Variants in MARCHF1 observed in about 807,000 individuals in gnomAD.
The protein encoded by MARCHF1 is membrane associated ring-CH-type finger 1.
MARCHF1 carries 40 observed loss-of-function variants against 54.2 expected under a neutral mutation model. The observed-to-expected ratio is 0.74, with a 90% CI of 0.57 to 0.96. MARCHF1 has a LOEUF of 0.96. Among genes scored for constraint, MARCHF1 ranks in the 40% least tolerant of loss-of-function variants. The pLI, the probability that MARCHF1 is intolerant of heterozygous loss-of-function variation, is 0.00. For synonymous variants in MARCHF1, 236 were observed against 236.3 expected, an observed-to-expected ratio of 1.00 and a Z score of 0.01; for missense variants, 586 against 656.5, an observed-to-expected ratio of 0.89 and a Z score of 1.17.
chr4:164,190,048 T>C (rs1211611561), intron 1 of MARCHF1: 11 of 1,359,706 alleles, frequency 8.1e-6, no homozygotes, highest in African/African-American at 1.4e-5. Flanking sequence ...AAGGAGTGCA[T>C]TGATACTACA....
At chr4:164,111,544 G>A (rs541330342) in intron 2 of MARCHF1, 44 bp downstream of exon 2, 53 of 151,824 alleles carry the variant, frequency 3.5e-4, no homozygotes, top group African/African-American at 1.3e-3. Context: ...GCCATGGAAA[G>A]TCTTCTTTAT....
At chr4:163,993,717 A>T (rs2110898838) in intron 2 of MARCHF1, among the ~76,000 whole-genome samples, 1 of 152,258 alleles carries the variant, frequency 6.6e-6, no homozygotes, top group East Asian at 1.9e-4. Flanking sequence ...TTCAAATAAC[A>T]CTATGGGACT....
intron 8 of MARCHF1, among the ~76,000 whole-genome samples, chr4:163,552,254 G>C (rs1177774927): frequency 6.6e-6 from 1 of 152,182 alleles, no homozygotes; most frequent in Non-Finnish European, 1.5e-5. Flanking sequence ...GCAATCCAAA[G>C]GAACTGCAAG....
At chr4:164,062,899 G>A (rs1217083828) in intron 2 of MARCHF1, among the ~76,000 whole-genome samples, 3 of 152,268 alleles carry the variant, frequency 2.0e-5, no homozygotes, top group East Asian at 1.9e-4. Context: ...TGGATGTTAT[G>A]TTAGCAGCCA....
At chr4:164,351,272 G>C (rs1332041910) in intron 1 of MARCHF1, among the ~76,000 whole-genome samples, 1 of 150,232 alleles carries the variant, frequency 6.7e-6, no homozygotes, top group Non-Finnish European at 1.5e-5. Flanking sequence ...AGCTCAAGGA[G>C]GCCTGCCTGC....
At chr4:164,232,268 T>C (rs1462559006) in intron 1 of MARCHF1, among the ~76,000 whole-genome samples, 1 of 152,106 alleles carries the variant, frequency 6.6e-6, no homozygotes, top group Non-Finnish European at 1.5e-5. Flanking sequence ...CACACGACAT[T>C]TATGCCCATT....
intron 3 of MARCHF1, among the ~76,000 whole-genome samples, chr4:163,937,834 C>T (rs1013125514): frequency 6.6e-6 from 1 of 151,956 alleles, no homozygotes; most frequent in African/African-American, 2.4e-5. Context: ...TTGAAACTAG[C>T]AGAGTTTAAA....
At chr4:164,358,394 T>C (rs982423064) in intron 1 of MARCHF1, among the ~76,000 whole-genome samples, 1 of 152,130 alleles carries the variant, frequency 6.6e-6, no homozygotes, top group Admixed American at 6.6e-5. Context: ...GAAGTTTTCT[T>C]TGCACCAGAG....
At chr4:163,683,908 C>T (rs1744187119) in intron 5 of MARCHF1, among the ~76,000 whole-genome samples, 1 of 151,918 alleles carries the variant, frequency 6.6e-6, no homozygotes, top group Non-Finnish European at 1.5e-5. Context: ...CTCACTCACT[C>T]ACTCACTCAC....
chr4:163,732,379 A>G (rs1745870261), intron 4 of MARCHF1, among the ~76,000 whole-genome samples: 1 of 152,128 alleles, frequency 6.6e-6, no homozygotes, highest in South Asian at 2.1e-4. Flanking sequence ...GGAAAAAAGA[A>G]CATCAGTGAA....
intron 2 of MARCHF1, among the ~76,000 whole-genome samples, chr4:164,077,563 CA>C (rs1755006175): frequency 6.6e-6 from 1 of 152,084 alleles, no homozygotes; most frequent in Non-Finnish European, 1.5e-5. Flanking sequence ...TTCTGCACAG[CA>C]AAAGAAAGTA....
intron 3 of MARCHF1, among the ~76,000 whole-genome samples, chr4:163,933,614 A>G (rs1560825674): frequency 6.6e-6 from 1 of 152,258 alleles, no homozygotes; most frequent in African/African-American, 2.4e-5. Flanking sequence ...GTTAATTACA[A>G]TTTAAAGAGT....
chr4:163,733,256 T>TACACAC (rs568650361), intron 4 of MARCHF1, among the ~76,000 whole-genome samples: 6 of 43,148 alleles, frequency 1.4e-4, no homozygotes, highest in African/African-American at 2.9e-4. Context: ...TGTATATATA[T>TACACAC]ATACACACAC....
chr4:164,163,327 A>C (rs1218645603), intron 1 of MARCHF1, among the ~76,000 whole-genome samples: 1 of 152,064 alleles, frequency 6.6e-6, no homozygotes, highest in Non-Finnish European at 1.5e-5. Flanking sequence ...GTAAGATACA[A>C]AATAATTGGA....
intron 3 of MARCHF1, among the ~76,000 whole-genome samples, chr4:163,863,482 C>A (rs990433350): frequency 2.0e-5 from 3 of 151,810 alleles, no homozygotes; most frequent in Non-Finnish European, 4.4e-5. Flanking sequence ...TGTTGGAGTG[C>A]GAGGTTGCAG....
chr4:163,671,643 C>CTATATTTTCT (rs1743741063), intron 5 of MARCHF1, among the ~76,000 whole-genome samples: 1 of 152,024 alleles, frequency 6.6e-6, no homozygotes, highest in African/African-American at 2.4e-5. Flanking sequence ...ATTCCTTATG[C>CTATATTTTCT]TATATTTTCT....
intron 4 of MARCHF1, among the ~76,000 whole-genome samples, chr4:163,794,543 C>A (rs1747858248): frequency 6.6e-6 from 1 of 152,086 alleles, no homozygotes; most frequent in South Asian, 2.1e-4. Context: ...ATAGATAAGA[C>A]CAGAATGTAT....
chr4:163,741,337 C>A (rs1450757771), intron 4 of MARCHF1, among the ~76,000 whole-genome samples: 1 of 152,068 alleles, frequency 6.6e-6, no homozygotes, highest in Non-Finnish European at 1.5e-5. Flanking sequence ...GTAATCCCAG[C>A]ACTTTGGGAG....
chr4:164,010,404 C>A (rs991016458), intron 2 of MARCHF1, among the ~76,000 whole-genome samples: 6 of 151,708 alleles, frequency 4.0e-5, no homozygotes, highest in Non-Finnish European at 5.9e-5. Flanking sequence ...GCCAAAAACT[C>A]TTAAAACTAA....
Sources: allele counts gnomAD v4.1 joint callset (sites outside exome capture counted in the v4.1 genomes callset), GRCh38; gene constraint gnomAD v4.1.1; transcripts MANE v1.5; gene names NCBI Gene and HGNC (gene_info 2026-07-23, HGNC 2026-07-21).